The following MAP3K7CL variants were observed in gnomAD, a reference collection of about 807,000 sequenced individuals.
MAP3K7CL encodes MAP3K7 C-terminal-like protein.
Under a neutral mutation model 18.6 loss-of-function variants are expected in MAP3K7CL, and 16 were observed. The ratio of observed to expected loss-of-function variants is 0.86; its 90% CI spans 0.58 to 1.31. The LOEUF is 1.31. Among genes scored for constraint, MAP3K7CL ranks in the 50% most tolerant of loss-of-function variants. The pLI is 0.00. For synonymous variants in MAP3K7CL, 65 were observed against 66.8 expected, an observed-to-expected ratio of 0.97 and a Z score of 0.13; for missense variants, 163 against 174.4, an observed-to-expected ratio of 0.93 and a Z score of 0.37.
At chr21:29,113,313 T>C (rs2086451249) in intron 4 of MAP3K7CL, among the ~76,000 whole-genome samples, 1 of 152,204 alleles carries the variant, frequency 6.6e-6, no homozygotes. Flanking sequence ...GACCTCAACG[T>C]GGCCTTCCTT....
At chr21:29,125,471 G>A (rs1400030120) in intron 4 of MAP3K7CL, among the ~76,000 whole-genome samples, 1 of 152,166 alleles carries the variant, frequency 6.6e-6, no homozygotes, top group African/African-American at 2.4e-5. Context: ...GAATGATATA[G>A]GGTTGATCAT....
chr21:29,124,013 A>C (rs1313527550), intron 4 of MAP3K7CL, among the ~76,000 whole-genome samples: 4 of 152,180 alleles, frequency 2.6e-5, no homozygotes, highest in Non-Finnish European at 5.9e-5. Context: ...AAAAATATTA[A>C]AGGAAATTTA....
upstream of MAP3K7CL, among the ~76,000 whole-genome samples, chr21:29,129,111 A>G (rs1444427174): frequency 6.6e-6 from 1 of 152,176 alleles, no homozygotes; most frequent in Admixed American, 6.5e-5. Flanking sequence ...TGGAATTCCC[A>G]TATATTTCCT....
intron 3 of MAP3K7CL, 132 bp downstream of exon 3, chr21:29,149,382 T>A: frequency 1.3e-6 from 1 of 771,210 alleles, no homozygotes; most frequent in Non-Finnish European, 2.2e-6. Flanking sequence ...CATCAAGGAT[T>A]ACATTTCTAG....
At chr21:29,113,009 A>C (rs1368650775) in intron 4 of MAP3K7CL, among the ~76,000 whole-genome samples, 3 of 152,120 alleles carry the variant, frequency 2.0e-5, no homozygotes, top group Admixed American at 1.3e-4. Flanking sequence ...GGGTTTTGCC[A>C]TGTTGGCCAG....
At chr21:29,163,070 C>T (rs1429754616) in intron 4 of MAP3K7CL, among the ~76,000 whole-genome samples, 1 of 152,094 alleles carries the variant, frequency 6.6e-6, no homozygotes, top group Non-Finnish European at 1.5e-5. Context: ...AAGATCACGC[C>T]ACTGCATTCC....
At chr21:29,173,476 T>G (rs569044191) in intron 4 of MAP3K7CL, among the ~76,000 whole-genome samples, 32 of 152,334 alleles carry the variant, frequency 2.1e-4, no homozygotes, top group Middle Eastern at 3.4e-3. Context: ...ACACCAGCAG[T>G]ACAAAGCCTT....
intron 1 of MAP3K7CL, chr21:29,091,441 T>A: frequency 1.6e-6 from 1 of 624,942 alleles, no homozygotes; most frequent in East Asian, 2.7e-5. Context: ...AGTCCTTCAA[T>A]TTTATTTTCC....
At chr21:29,104,452 A>G (rs1445726460) in intron 4 of MAP3K7CL, among the ~76,000 whole-genome samples, 1 of 152,132 alleles carries the variant, frequency 6.6e-6, no homozygotes, top group African/African-American at 2.4e-5. Context: ...TTTCATTTCC[A>G]GTTGCATGGT....
At chr21:29,161,808 G>T (rs1478275752) in intron 4 of MAP3K7CL, among the ~76,000 whole-genome samples, 2 of 152,130 alleles carry the variant, frequency 1.3e-5, no homozygotes, top group African/African-American at 4.8e-5. Context: ...AATGGTGGTC[G>T]GACAGTATAG....
intron 4 of MAP3K7CL, among the ~76,000 whole-genome samples, chr21:29,170,635 C>T (rs2087802710): frequency 6.7e-6 from 1 of 149,860 alleles, no homozygotes; most frequent in East Asian, 1.9e-4. Context: ...CTCTCTCTTT[C>T]TCTTTTTTTT....
At chr21:29,078,897 C>T (rs111747392) in intron 1 of MAP3K7CL, among the ~76,000 whole-genome samples, 2 of 152,138 alleles carry the variant, frequency 1.3e-5, no homozygotes, top group South Asian at 2.1e-4. Context: ...CTGACTGATT[C>T]GACTGGTAAA....
chr21:29,087,611 T>C (rs1281317179), intron 1 of MAP3K7CL, among the ~76,000 whole-genome samples: 75 of 109,002 alleles, frequency 6.9e-4, no homozygotes, highest in African/African-American at 3.2e-3. Context: ...TTTTTTTTTT[T>C]GAGACAGAGT....
At chr21:29,099,920 A>G (rs2086192949) in intron 4 of MAP3K7CL, among the ~76,000 whole-genome samples, 1 of 151,992 alleles carries the variant, frequency 6.6e-6, no homozygotes, top group East Asian at 1.9e-4. Context: ...CGTCTCTACT[A>G]AAAATACAAA....
At position 29,112,460 on chromosome 21, in the gene MAP3K7CL, TA is replaced by T. The variant is rs558021443; in HGVS notation, c.370+19885del. Among the ~76,000 whole-genome samples the T allele has an allele frequency of 9.3e-3, 1,421 of 152,294 alleles. 11 individuals are homozygous for T. The highest frequency in any genetic ancestry group is 0.014 in the Admixed American group (217 of 15,304). On this transcript the variant is annotated intron_variant, in intron 4 of 6. Transcript: ENST00000286791. ...CAATTAGTATTAACCTAGGATTTTT[TA>T]AAAAACCCACTCTCTGCTTTGTAGT...
intron 4 of MAP3K7CL, chr21:29,092,629 T>C (rs1475481809): frequency 6.2e-7 from 1 of 1,606,702 alleles, no homozygotes; most frequent in African/African-American, 1.3e-5. Flanking sequence ...TGAAGGCTTT[T>C]TACACACTGC....
upstream of MAP3K7CL, among the ~76,000 whole-genome samples, chr21:29,125,800 G>C (rs913177042): frequency 6.6e-6 from 1 of 152,142 alleles, no homozygotes; most frequent in Non-Finnish European, 1.5e-5. Context: ...CATTTCACTG[G>C]GGTCAGGAGC....
chr21:29,161,030 G>C lies in MAP3K7CL; in HGVS notation c.248+974G>C, dbSNP rs188120134. Among the ~76,000 whole-genome samples the C allele has an allele frequency of 4.8e-3, 737 of 152,360 alleles. 6 individuals carry two copies. The highest frequency in any genetic ancestry group is 0.017 in the African/African-American group (713 of 41,580). ...GCTAATTAAAAAATATTTTGTGGGGGCCGGGCGCAGTGGCCCACGCCTATA... is the reference window on the plus strand; with the variant it reads ...GCTAATTAAAAAATATTTTGTGGGGCCCGGGCGCAGTGGCCCACGCCTATA... On this transcript the variant is annotated intron_variant, in intron 4 of 4. Transcript: ENST00000399928.
At chr21:29,085,545 TAAAAAAA>T (rs33938293), upstream of MAP3K7CL, among the ~76,000 whole-genome samples, 3 of 48,988 alleles carry the variant, frequency 6.1e-5, no homozygotes, top group Admixed American at 2.6e-4. Flanking sequence ...AGACTCTGTC[TAAAAAAA>T]AAAAAAAAAA....
Sources: gnomAD v4.1 joint callset for allele counts (sites outside exome capture counted in the v4.1 genomes callset) on GRCh38, gnomAD v4.1.1 for gene constraint, MANE v1.5 for transcripts, NCBI Gene and HGNC (gene_info 2026-07-23, HGNC 2026-07-21) for gene names.